The following UNC5C variants were observed in gnomAD, a reference collection of about 807,000 sequenced individuals.
The protein encoded by UNC5C is netrin receptor UNC5C.
In UNC5C, 47 loss-of-function variants were observed where a neutral mutation model predicts 99.8. That is an observed-to-expected ratio of 0.47 (90% confidence interval 0.37 to 0.60). The LOEUF (loss-of-function observed/expected upper bound fraction) is 0.60, where lower values mean the gene tolerates loss of function less well. Ranked by LOEUF, UNC5C falls within the 20% of genes least tolerant of loss-of-function variation. The pLI is 0.00. For synonymous variants in UNC5C, 487 were observed against 452.2 expected, an observed-to-expected ratio of 1.08 and a Z score of -0.98; for missense variants, 1,062 against 1,165.9, an observed-to-expected ratio of 0.91 and a Z score of 1.30.
intron 10 of UNC5C, among the ~76,000 whole-genome samples, chr4:95,210,908 T>C (rs997302519): frequency 1.3e-5 from 2 of 152,238 alleles, no homozygotes; most frequent in African/African-American, 4.8e-5. Context: ...GGTACACCTG[T>C]ATGGCAGTGT....
intron 1 of UNC5C, among the ~76,000 whole-genome samples, chr4:95,453,805 C>A (rs1747352866): frequency 6.6e-6 from 1 of 152,098 alleles, no homozygotes; most frequent in African/African-American, 2.4e-5. Flanking sequence ...ACTTTACCAT[C>A]TTGTCAGAGT....
intron 1 of UNC5C, among the ~76,000 whole-genome samples, chr4:95,428,032 C>G (rs973294137): frequency 6.6e-5 from 10 of 150,984 alleles, no homozygotes; most frequent in African/African-American, 1.9e-4. Flanking sequence ...ATTTTCTACT[C>G]TATGTTAACT....
chr4:95,340,738 T>C (rs965662301), intron 1 of UNC5C, among the ~76,000 whole-genome samples: 2 of 152,126 alleles, frequency 1.3e-5, no homozygotes, highest in East Asian at 1.9e-4. Flanking sequence ...AATATGCTAG[T>C]TGATATCCAC....
At chr4:95,506,959 CAAAT>C (rs1473019998) in intron 1 of UNC5C, among the ~76,000 whole-genome samples, 1 of 150,534 alleles carries the variant, frequency 6.6e-6, no homozygotes, top group African/African-American at 2.5e-5. Flanking sequence ...ATACAAATAA[CAAAT>C]AATAAATAGT....
intron 14 of UNC5C, 24 bp from the exon 15 acceptor site, chr4:95,170,356 C>A (rs1181201828): frequency 2.5e-6 from 4 of 1,609,344 alleles, no homozygotes; most frequent in African/African-American, 1.3e-5. Flanking sequence ...ACAGGAACAA[C>A]ACAGCATTAT....
At chr4:95,262,859 G>C (rs1469674696) in intron 4 of UNC5C, among the ~76,000 whole-genome samples, 1 of 151,690 alleles carries the variant, frequency 6.6e-6, no homozygotes, top group East Asian at 1.9e-4. Context: ...CTGTCGCCCA[G>C]GCTGGAGTGC....
intron 2 of UNC5C, among the ~76,000 whole-genome samples, chr4:95,330,383 T>G (rs1043618350): frequency 2.0e-5 from 3 of 152,146 alleles, no homozygotes; most frequent in Non-Finnish European, 4.4e-5. Flanking sequence ...AGAATATGTC[T>G]TTCCTTAATG....
chr4:95,255,616 C>G (rs937982488), intron 4 of UNC5C, among the ~76,000 whole-genome samples: 2 of 151,778 alleles, frequency 1.3e-5, no homozygotes, highest in Non-Finnish European at 2.9e-5. Context: ...GTGTTCCTAT[C>G]TGTCACCTCG....
chr4:95,327,809 C>T (rs1742946574), intron 2 of UNC5C, among the ~76,000 whole-genome samples: 1 of 152,046 alleles, frequency 6.6e-6, no homozygotes, highest in African/African-American at 2.4e-5. Context: ...CTGAGAGCCA[C>T]TTCTGCCACT....
intron 1 of UNC5C, among the ~76,000 whole-genome samples, chr4:95,400,542 G>T (rs762832080): frequency 2.4e-4 from 36 of 151,756 alleles, no homozygotes; most frequent in Admixed American, 9.9e-4. Flanking sequence ...ACAGGTGCCC[G>T]CCACCACGCC....
At chr4:95,439,766 T>C (rs1333326366) in intron 1 of UNC5C, among the ~76,000 whole-genome samples, 1 of 152,156 alleles carries the variant, frequency 6.6e-6, no homozygotes, top group Non-Finnish European at 1.5e-5. Flanking sequence ...ATATTCCCAT[T>C]TAGACTGGCT....
chr4:95,489,125 A>C, intron 1 of UNC5C, among the ~76,000 whole-genome samples: 1 of 135,830 alleles, frequency 7.4e-6, no homozygotes, highest in East Asian at 2.6e-4. Context: ...AGGAGGAGGG[A>C]GGGAGGAGGG....
chr4:95,501,051 G>A (rs1009164548), intron 1 of UNC5C, among the ~76,000 whole-genome samples: 1 of 152,058 alleles, frequency 6.6e-6, no homozygotes, highest in Admixed American at 6.6e-5. Context: ...TAGGTAATTT[G>A]GGGTGGAATT....
rs969659009 is a variant in UNC5C at position 95,275,071 on chromosome 4, C to T, written c.594+3188G>A. Among the ~76,000 whole-genome samples the T allele has an allele frequency of 1.0e-4, 13 of 124,498 alleles. No individual in the cohort carries two copies. The East Asian group carries it at 3.2e-3, about 30-fold the overall frequency. 81.7% of individuals were successfully genotyped at this position (124,498 alleles called of 152,430 possible). Reference sequence around the variant, plus strand: ...AAACATCAGGGTAAGGGCAGCAGTACACCATGACTTGCTATAAATAGTTTC... The same window carrying T: ...AAACATCAGGGTAAGGGCAGCAGTATACCATGACTTGCTATAAATAGTTTC... On this transcript the variant is annotated intron_variant, in intron 4 of 15. Coordinates refer to ENST00000453304, the MANE Select transcript of UNC5C (RefSeq NM_003728.4).
intron 1 of UNC5C, among the ~76,000 whole-genome samples, chr4:95,490,003 A>T (rs1721436238): frequency 1.3e-5 from 2 of 151,332 alleles, no homozygotes. Context: ...ACCATGGCAC[A>T]CAACTGGGGA....
At chr4:95,427,114 G>A (rs1746508476) in intron 1 of UNC5C, among the ~76,000 whole-genome samples, 1 of 152,144 alleles carries the variant, frequency 6.6e-6, no homozygotes, top group Non-Finnish European at 1.5e-5. Context: ...TGCAGATGTG[G>A]TGGAACTAGC....
At chr4:95,175,587 C>G (rs1736306396) in intron 14 of UNC5C, among the ~76,000 whole-genome samples, 1 of 152,176 alleles carries the variant, frequency 6.6e-6, no homozygotes, top group Non-Finnish European at 1.5e-5. Context: ...TCCCTTCTGG[C>G]TTGTAGAGTT....
rs543849657 is a variant in UNC5C at position 95,199,119 on chromosome 4, A to G, written c.2136+3612T>C. Among the ~76,000 whole-genome samples, 6 of 152,206 alleles carry G rather than the reference A, an allele frequency of 3.9e-5. No homozygotes were observed. The South Asian group carries it at 1.2e-3, about 32-fold the overall frequency. ...GTGAGTCAGGATGGGGGCAGGCCTGAAGGAGAAGGAGGCCTTCAGGAGGTG... is the reference window on the plus strand; with the variant it reads ...GTGAGTCAGGATGGGGGCAGGCCTGGAGGAGAAGGAGGCCTTCAGGAGGTG... On this transcript the variant is annotated intron_variant, in intron 12 of 15. Coordinates refer to ENST00000453304, the MANE Select transcript of UNC5C (RefSeq NM_003728.4).
At chr4:95,459,716 A>AC (rs1747545642) in intron 1 of UNC5C, among the ~76,000 whole-genome samples, 2 of 152,160 alleles carry the variant, frequency 1.3e-5, no homozygotes, top group Admixed American at 6.6e-5. Flanking sequence ...CTTCTTCAAA[A>AC]CAGGGAGACT....
Sources: allele counts gnomAD v4.1 joint callset (sites outside exome capture counted in the v4.1 genomes callset), GRCh38; gene constraint gnomAD v4.1.1; transcripts MANE v1.5; gene names NCBI Gene and HGNC (gene_info 2026-07-23, HGNC 2026-07-21).